Variants in DNAAF3 observed in about 807,000 individuals in gnomAD.
DNAAF3 encodes the protein UPF0470 protein C19orf51.
Under a neutral mutation model 50.9 loss-of-function variants are expected in DNAAF3, and 40 were observed. The observed-to-expected ratio is 0.79, with a 90% CI of 0.61 to 1.02. DNAAF3 has a LOEUF of 1.02. Ranked by LOEUF, DNAAF3 falls within the 50% of genes least tolerant of loss-of-function variation. The probability of loss-of-function intolerance (pLI) is 0.00; values close to 1 mark genes in which losing one functional copy is unlikely to be tolerated. For missense variants in DNAAF3, 763 were observed against 744.7 expected, an observed-to-expected ratio of 1.02 and a Z score of -0.29; for synonymous variants, 327 against 322.8, an observed-to-expected ratio of 1.01 and a Z score of -0.14.
At chr19:55,159,822 G>A (rs2147291832) in intron 10 of DNAAF3, 77 bp downstream of exon 10, 10 of 1,495,498 alleles carry the variant, frequency 6.7e-6, no homozygotes, top group East Asian at 2.9e-5. Context: ...CTGGGGGCCT[G>A]GACTCCTGGG....
rs2085803335 is a variant in DNAAF3 at position 55,160,584 on chromosome 19, T to C, written c.1048+56A>G. The C allele has an allele frequency of 6.2e-7, 1 of 1,612,966 alleles. No individual in the cohort carries two copies. Among genetic ancestry groups the C allele is most frequent in the Admixed American group, 1.7e-5 (1 of 59,866 alleles). ...CAAATCATGTCAGTCCACACTCCAG[T>C]GTGAAACACCTGGAGGCTGGAGTCC... is the stretch of plus-strand genomic sequence containing the variant. On this transcript the variant is annotated intron_variant, in intron 9 of 11. Transcript: ENST00000524407. The surrounding 1 kb of genome is among the most constrained non-coding windows in gnomAD (Gnocchi z 4.7).
Position 55,166,461 on chromosome 19 carries a change from G to A in DNAAF3, c.-4-44C>T. On this transcript the variant is annotated intron_variant, in intron 1 of 11. Coordinates refer to ENST00000524407, the MANE Select transcript of DNAAF3 (RefSeq NM_001256715.2). The surrounding 1 kb of genome is among the most constrained non-coding windows in gnomAD (Gnocchi z 4.0). The stretch of plus-strand genomic sequence containing the variant: ...GGGAATCGCACACATTGCCCGCCCC[G>A]CTCCCCTCTCACCGCCCCTCACTTC... 1.2e-6 allele frequency: 2 copies of A among 1,612,418 alleles called. No homozygotes were observed. The highest frequency in any genetic ancestry group is 1.7e-6 in the Non-Finnish European group (2 of 1,178,804).
Position 55,166,065 on chromosome 19 carries a change from T to G in DNAAF3, c.86-65A>C. On this transcript the variant is annotated intron_variant, in intron 2 of 11. Transcript: ENST00000524407. The surrounding 1 kb of genome is among the most constrained non-coding windows in gnomAD (Gnocchi z 4.0). The stretch of plus-strand genomic sequence containing the variant: ...GCAGAGCGTCCACCGTAGCATCCCC[T>G]ATAAAAAATGGACTACAAATCCCAG... 2 of 1,612,934 alleles carry G rather than the reference T, an allele frequency of 1.2e-6. No individual in the cohort carries two copies. The highest frequency in any genetic ancestry group is 1.7e-6 in the Non-Finnish European group (2 of 1,179,574).
At chr19:55,163,676 AG>A (rs1474946162) in intron 4 of DNAAF3, among the ~76,000 whole-genome samples, 2 of 152,214 alleles carry the variant, frequency 1.3e-5, no homozygotes, top group Admixed American at 6.5e-5. Flanking sequence ...AGTGTTACTG[AG>A]GGATGACTGT....
chr19:55,160,771 G>A lies in DNAAF3; in HGVS notation c.917C>T (p.Ala306Val). 1.2e-6 allele frequency: 2 copies of A among 1,609,766 alleles called. No homozygotes were observed. The highest frequency in any genetic ancestry group is 1.7e-6 in the Non-Finnish European group (2 of 1,179,416). ...CACGTTGTGTTGAGTGATCTCCCCG[G>A]CCGTCTAACAGTAGAAGGGGCGTGG... ...RTSNGQPVKT[A>V]GEITQHNVTE... Residue 306 changes from alanine (A) to valine (V), a missense_variant, in exon 9 of 12, where the codon GCC becomes GTC. Coordinates refer to ENST00000524407, the MANE Select transcript of DNAAF3 (RefSeq NM_001256715.2). This position sits in a 1 kb window ranked among gnomAD's most constrained non-coding sequence, Gnocchi z 4.7.
At position 55,161,315 on chromosome 19, in the gene DNAAF3, G is replaced by A. The variant is rs201937522; in HGVS notation, c.767C>T (p.Ala256Val). The A allele has an allele frequency of 6.2e-6, 10 of 1,610,506 alleles. No individual in the cohort carries two copies. In the African/African-American group the frequency reaches 1.3e-4, roughly 22 times the overall value. ...CACGTAGCTCAGGAGGCGACCGGACGCCAGGGTCCGGTTGGGCACATGATA... is the reference window on the plus strand; with the variant it reads ...CACGTAGCTCAGGAGGCGACCGGACACCAGGGTCCGGTTGGGCACATGATA... ...SAYHVPNRTL[A>V]SGRLLSYRGE... Residue 256 changes from alanine (A) to valine (V), a missense_variant, in exon 7 of 12, where the codon GCG (alanine) becomes GTG (valine). Coordinates refer to ENST00000524407, the MANE Select transcript of DNAAF3 (RefSeq NM_001256715.2). This position sits in a 1 kb window ranked among gnomAD's most constrained non-coding sequence, Gnocchi z 6.4.
chr19:55,159,068 T>C lies in DNAAF3; in HGVS notation c.1620A>G (p.Gly540=), dbSNP rs2085768712. Residue 540 remains glycine (G), a synonymous_variant, in exon 12 of 12, where the codon GGA becomes GGG. Transcript: ENST00000524407. ...PPNCESDSKT[G]V is the part of the protein sequence containing the mutation. ...GGGGTGTCTAGGGGTTGGGTCAGAC[T>C]CCAGTTTTGGAGTCTGACTCACAGT... The C allele has an allele frequency of 1.3e-6, 2 of 1,589,398 alleles. No individual in the cohort carries two copies. Among genetic ancestry groups the C allele is most frequent in the South Asian group, 2.3e-5 (2 of 88,792 alleles).
At chr19:55,162,661 T>C (rs2085858832) in intron 4 of DNAAF3, 2 of 996,348 alleles carry the variant, frequency 2.0e-6, no homozygotes, top group South Asian at 9.4e-5. Context: ...AGACAGAGAA[T>C]ATTTGGGGGA....
In DNAAF3 at chr19:55,160,694, C is replaced by T. The variant is rs1404964851; in HGVS notation, c.994G>A (p.Gly332Arg). Residue 332 changes from glycine to arginine, a missense_variant, in exon 9 of 12, where the codon GGG (glycine) becomes AGG (arginine). Gly to Arg is a moderately radical substitution (Grantham distance 125). Coordinates refer to ENST00000524407, the MANE Select transcript of DNAAF3 (RefSeq NM_001256715.2). This position sits in a 1 kb window ranked among gnomAD's most constrained non-coding sequence, Gnocchi z 4.7. ...AAWGRARATGGDLEEQQHAEG... is the reference protein window; with the variant it reads ...AAWGRARATGRDLEEQQHAEG... ...GCGTGCTGCTGCTCCTCCAGGTCCC[C>T]CCCGGTGGCTCTCGCGCGCCCCCAG... The T allele has an allele frequency of 1.9e-6, 3 of 1,613,662 alleles. No homozygotes were observed. Among genetic ancestry groups the T allele is most frequent in the African/African-American group, 1.3e-5 (1 of 74,932 alleles).
chr19:55,164,678 C>T (rs1221662193), intron 4 of DNAAF3, among the ~76,000 whole-genome samples: 1 of 151,904 alleles, frequency 6.6e-6, no homozygotes, highest in African/African-American at 2.4e-5. Flanking sequence ...GCGCCTGCCA[C>T]CACACCCGGC....
rs1185434007 is a variant in DNAAF3 at position 55,159,619 on chromosome 19, A to G, written c.1164-12T>C. 1 of 1,612,714 alleles carries G rather than the reference A, an allele frequency of 6.2e-7. No individual in the cohort carries two copies. The highest frequency in any genetic ancestry group is 2.2e-5 in the East Asian group (1 of 44,864). On this transcript the variant is annotated splice_polypyrimidine_tract_variant and intron_variant, in intron 10 of 11. Coordinates refer to ENST00000524407, the MANE Select transcript of DNAAF3 (RefSeq NM_001256715.2). ...GAAGATGGACCATACTGCAGAGAGGACGGAGGACAGGCTGAGATTCAGCTC... is the reference window on the plus strand; with the variant it reads ...GAAGATGGACCATACTGCAGAGAGGGCGGAGGACAGGCTGAGATTCAGCTC...
intron 4 of DNAAF3, among the ~76,000 whole-genome samples, chr19:55,163,312 ATTTTT>A (rs34371299): frequency 2.3e-5 from 2 of 87,240 alleles, no homozygotes; most frequent in South Asian, 3.6e-4. Flanking sequence ...CCGGCGGCTA[ATTTTT>A]TTTTTTTTTT....
chr19:55,161,613 G>A lies in DNAAF3; in HGVS notation c.663+30C>T, dbSNP rs2085834432. 2.2e-5 allele frequency: 34 copies of A among 1,519,328 alleles called. No individual in the cohort carries two copies. The East Asian group carries it at 8.2e-4, about 36-fold the overall frequency. 94.1% of individuals were successfully genotyped at this position (1,519,328 alleles called of 1,614,324 possible). A position where few individuals can be genotyped will look rare whatever the true frequency, so the allele number is the denominator to read the frequency against. On this transcript the variant is annotated intron_variant, in intron 6 of 11. Coordinates refer to ENST00000524407, the MANE Select transcript of DNAAF3 (RefSeq NM_001256715.2). This position sits in a 1 kb window ranked among gnomAD's most constrained non-coding sequence, Gnocchi z 6.4. ...CTCCTCCCTCAGACCCAGGGGTCCA[G>A]GCCCCCAGCCCCTCTCCTGGGCCCC...
Position 55,158,933 on chromosome 19 carries a change from G to GC in DNAAF3, c.*128dup, listed in dbSNP as rs1280121573. On this transcript the variant is annotated 3_prime_UTR_variant, in exon 12 of 12. Coordinates refer to ENST00000524407, the MANE Select transcript of DNAAF3 (RefSeq NM_001256715.2). The stretch of plus-strand genomic sequence containing the variant: ...TACCAACACTCCCGGGGTGGGGGTG[G>GC]CGGGTACTGAGTGGGAATGATTAGA... 9.9e-7 allele frequency: 1 copy of GC among 1,013,564 alleles called. No homozygotes were observed. The highest frequency in any genetic ancestry group is 1.6e-5 in the African/African-American group (1 of 62,426). The allele number at this position is 1,013,564 out of a possible 1,614,324, so 62.8% of individuals were successfully genotyped here.
chr19:55,161,075 T>A lies in DNAAF3; in HGVS notation c.902A>T (p.Gln301Leu). The change falls in exon 8 of 12, where the codon CAG (glutamine) becomes CTG (leucine). Residue 301 changes from glutamine (Q) to leucine (L), a missense_variant. Transcript: ENST00000524407. This position sits in a 1 kb window ranked among gnomAD's most constrained non-coding sequence, Gnocchi z 6.4. The part of the protein sequence containing the change: ...DESLLRTSNG[Q>L]PVKTAGEITQ... The stretch of plus-strand genomic sequence containing the variant: ...AGCCTCGCCGCGCACCTTGACTGGC[T>A]GGCCGTTGCTCGTCCGCAGGAGGCT... 6.5e-7 allele frequency: 1 copy of A among 1,541,458 alleles called. No homozygotes were observed. Among genetic ancestry groups the A allele is most frequent in the South Asian group, 1.2e-5 (1 of 83,838 alleles).
Position 55,158,879 on chromosome 19 carries a change from T to G in DNAAF3, c.*183A>C. On this transcript the variant is annotated 3_prime_UTR_variant, in exon 12 of 12. Coordinates refer to ENST00000524407, the MANE Select transcript of DNAAF3 (RefSeq NM_001256715.2). ...AATCTAGAATTCTAGGAATAGACCA[T>G]AGAATCTCAGAAATGGAATTTGAAA... The G allele has an allele frequency of 1.6e-6, 1 of 644,936 alleles. No homozygotes were observed. The highest frequency in any genetic ancestry group is 2.5e-6 in the Non-Finnish European group (1 of 395,090). The allele number at this position is 644,936 out of a possible 1,614,324, so 40.0% of individuals were successfully genotyped here.
intron 4 of DNAAF3, among the ~76,000 whole-genome samples, chr19:55,165,021 C>CTTTTT (rs1164581047): frequency 5.9e-5 from 5 of 84,572 alleles, no homozygotes; most frequent in Non-Finnish European, 1.1e-4. Context: ...GTTTCGCTCT[C>CTTTTT]TTTTTTTTTT....
Position 55,161,943 on chromosome 19 carries a change from A to G in DNAAF3, c.481-118T>C. On this transcript the variant is annotated intron_variant, in intron 5 of 11. Coordinates refer to ENST00000524407, the MANE Select transcript of DNAAF3 (RefSeq NM_001256715.2). The surrounding 1 kb of genome is among the most constrained non-coding windows in gnomAD (Gnocchi z 6.4). ...GGGGAACGATTCCCCCGTTTCTCGG[A>G]TGGAAAAACTGAGGCTCCGAAAGCA... The G allele has an allele frequency of 7.3e-7, 1 of 1,362,232 alleles. No individual in the cohort carries two copies. Among genetic ancestry groups the G allele is most frequent in the Non-Finnish European group, 9.4e-7 (1 of 1,058,366 alleles). 84.4% of individuals were successfully genotyped at this position (1,362,232 alleles called of 1,614,324 possible). A position where few individuals can be genotyped will look rare whatever the true frequency, so the allele number is the denominator to read the frequency against.
At chr19:55,162,369 C>A in intron 4 of DNAAF3, 79 bp from the exon 5 acceptor site, 1 of 1,230,636 alleles carries the variant, frequency 8.1e-7, no homozygotes, top group South Asian at 4.2e-5. Context: ...GTTATTATGT[C>A]ATAGTCATCT....
Sources: gnomAD v4.1 joint callset for allele counts (sites outside exome capture counted in the v4.1 genomes callset) on GRCh38, gnomAD v4.1.1 for gene constraint, Gnocchi (gnomAD v3.1) non-coding constraint, MANE v1.5 for transcripts, NCBI Gene and HGNC (gene_info 2026-07-23, HGNC 2026-07-21) for gene names.